CAB39L: variants seen among roughly 807,000 people sequenced by gnomAD.
CAB39L encodes calcium binding protein 39 like, also known as calcium-binding protein 39-like.
Under a neutral mutation model 39.1 loss-of-function variants are expected in CAB39L, and 23 were observed. The ratio of observed to expected loss-of-function variants is 0.59; its 90% CI spans 0.42 to 0.83. The LOEUF (loss-of-function observed/expected upper bound fraction) is 0.83. Ranked by LOEUF, CAB39L falls within the 40% of genes least tolerant of loss-of-function variation. CAB39L has a pLI of 0.00. For synonymous variants in CAB39L, 126 were observed against 137.2 expected (o/e 0.92, Z 0.57); for missense variants, 366 against 391.9 (o/e 0.93, Z 0.56).
At chr13:49,396,314 A>G (rs1956625243) in intron 3 of CAB39L, among the ~76,000 whole-genome samples, 1 of 152,158 alleles carries the variant, frequency 6.6e-6, no homozygotes, top group South Asian at 2.1e-4. Flanking sequence ...TTAGACAGGA[A>G]CATTTCCAAA....
intron 5 of CAB39L, among the ~76,000 whole-genome samples, chr13:49,368,564 A>G (rs114065811): frequency 3.1e-4 from 47 of 152,306 alleles, no homozygotes; most frequent in African/African-American, 1.1e-3. Flanking sequence ...AAAAACCCTA[A>G]AAATATATTT....
chr13:49,336,743 T>C (rs1483077283), intron 9 of CAB39L, among the ~76,000 whole-genome samples: 2 of 152,246 alleles, frequency 1.3e-5, no homozygotes, highest in Non-Finnish European at 2.9e-5. Context: ...CGTTGTACCA[T>C]GGACAAGCTT....
chr13:49,370,306 G>A (rs1185950010), intron 5 of CAB39L, among the ~76,000 whole-genome samples: 3 of 152,118 alleles, frequency 2.0e-5, no homozygotes, highest in Admixed American at 6.6e-5. Context: ...CCATCTGTGG[G>A]AATTTATATG....
intron 1 of CAB39L, among the ~76,000 whole-genome samples, chr13:49,440,715 A>AGTGTGTGTGTGT (rs56314282): frequency 2.9e-3 from 387 of 135,532 alleles, no homozygotes; most frequent in African/African-American, 6.7e-3. Flanking sequence ...ATTCCTAGGC[A>AGTGTGTGTGTGT]GTGTGTGTGT....
chr13:49,402,541 G>T (rs141451040), intron 3 of CAB39L, among the ~76,000 whole-genome samples: 2 of 152,002 alleles, frequency 1.3e-5, no homozygotes, highest in Non-Finnish European at 2.9e-5. Flanking sequence ...TTCTACTGAC[G>T]GATCTTCCAA....
intron 10 of CAB39L, among the ~76,000 whole-genome samples, chr13:49,314,457 C>T (rs544438741): frequency 6.6e-6 from 1 of 152,242 alleles, no homozygotes; most frequent in South Asian, 2.1e-4. Context: ...CGTCACTGCC[C>T]CATCACCCTA....
At chr13:49,439,829 G>T (rs1957476392) in intron 1 of CAB39L, among the ~76,000 whole-genome samples, 1 of 150,002 alleles carries the variant, frequency 6.7e-6, no homozygotes, top group African/African-American at 2.5e-5. Context: ...TTTCTCTGAT[G>T]ATTAGTGATG....
intron 3 of CAB39L, among the ~76,000 whole-genome samples, chr13:49,407,182 A>G (rs1280567185): frequency 1.3e-5 from 2 of 152,206 alleles, no homozygotes; most frequent in Non-Finnish European, 1.5e-5. Context: ...GTCAAATGGC[A>G]TCATGGCATG....
rs34993624 is a variant in CAB39L at position 49,439,921 on chromosome 13, G to GTTTTTTTTTTTTTTTTTTTTTTTTTT, written c.-246+4064_-246+4065insAAAAAAAAAAAAAAAAAAAAAAAAAA. The stretch of plus-strand genomic sequence containing the variant: ...ATGTCTTTTGACCACTTTTTAATGG[G>GTTTTTTTTTTTTTTTTTTTTTTTTTT]TTTTTTTTTTTTTTTTTTTTGCTTG... On this transcript the variant is annotated intron_variant, in intron 1 of 10. Coordinates refer to ENST00000409308, the MANE Select transcript of CAB39L (RefSeq NM_001079670.3). Among the ~76,000 whole-genome samples, 6 of 78,540 alleles carry GTTTTTTTTTTTTTTTTTTTTTTTTTT rather than the reference G, an allele frequency of 7.6e-5. 1 individual carries two copies. Among genetic ancestry groups the GTTTTTTTTTTTTTTTTTTTTTTTTTT allele is most frequent in the Admixed American group, 5.4e-4 (3 of 5,538 alleles). The allele number at this position is 78,540 out of a possible 152,430, so 51.5% of individuals were successfully genotyped here.
At chr13:49,421,481 C>T (rs1957170376) in intron 3 of CAB39L, among the ~76,000 whole-genome samples, 1 of 152,146 alleles carries the variant, frequency 6.6e-6, no homozygotes, top group African/African-American at 2.4e-5. Context: ...TTCCCATCTG[C>T]GCTAGTGGAG....
intron 3 of CAB39L, among the ~76,000 whole-genome samples, chr13:49,392,383 A>T (rs180923859): frequency 9.1e-4 from 139 of 152,252 alleles, no homozygotes; most frequent in African/African-American, 2.9e-3. Context: ...TCACGCCTGT[A>T]ATCCCAGCAC....
At chr13:49,368,714 C>T (rs554617967) in intron 5 of CAB39L, among the ~76,000 whole-genome samples, 2 of 152,164 alleles carry the variant, frequency 1.3e-5, no homozygotes, top group South Asian at 2.1e-4. Flanking sequence ...AAAAAGTCAG[C>T]TTTAACATGA....
intron 3 of CAB39L, among the ~76,000 whole-genome samples, chr13:49,412,182 G>A (rs1033459837): frequency 6.6e-6 from 1 of 152,132 alleles, no homozygotes; most frequent in Admixed American, 6.5e-5. Flanking sequence ...CATACAGGTA[G>A]GTGAGGGTGT....
intron 3 of CAB39L, among the ~76,000 whole-genome samples, chr13:49,418,791 C>A (rs568380640): frequency 5.3e-5 from 8 of 152,080 alleles, no homozygotes; most frequent in Non-Finnish European, 1.2e-4. Context: ...AAACTCCTGA[C>A]CTCAAGTGAT....
intron 1 of CAB39L, among the ~76,000 whole-genome samples, chr13:49,443,592 A>G (rs1429515576): frequency 6.6e-6 from 1 of 152,208 alleles, no homozygotes; most frequent in Non-Finnish European, 1.5e-5. Flanking sequence ...TTCATCAGCT[A>G]GCCTCCTTTG....
intron 5 of CAB39L, among the ~76,000 whole-genome samples, chr13:49,375,913 GCTGAAGT>G (rs1239713291): frequency 2.0e-5 from 3 of 152,158 alleles, no homozygotes; most frequent in Non-Finnish European, 2.9e-5. Flanking sequence ...GAAAGGATGA[GCTGAAGT>G]CTGGGCCCTT....
intron 5 of CAB39L, among the ~76,000 whole-genome samples, chr13:49,367,086 T>C (rs1955795570): frequency 1.3e-5 from 2 of 151,920 alleles, no homozygotes; most frequent in African/African-American, 2.4e-5. Context: ...AGAAATTACT[T>C]TGGAAAGCTG....
At chr13:49,409,612 AAGG>A (rs1233748680) in intron 3 of CAB39L, among the ~76,000 whole-genome samples, 5 of 152,106 alleles carry the variant, frequency 3.3e-5, no homozygotes, top group African/African-American at 1.2e-4. Flanking sequence ...CTAAAATGAG[AAGG>A]AGGAGAAAGC....
intron 10 of CAB39L, 26 bp downstream of exon 10, chr13:49,331,921 T>C (rs940663675): frequency 6.2e-7 from 1 of 1,610,796 alleles, no homozygotes. Flanking sequence ...GCCTACAACA[T>C]TGTTTCCAGA....
Sources: gnomAD v4.1 joint callset for allele counts (sites outside exome capture counted in the v4.1 genomes callset) on GRCh38, gnomAD v4.1.1 for gene constraint, MANE v1.5 for transcripts, NCBI Gene and HGNC (gene_info 2026-07-23, HGNC 2026-07-21) for gene names.